Variants in CELSR1 observed in about 807,000 individuals in gnomAD.
CELSR1 encodes adhesion G protein-coupled receptor C1.
Under a neutral mutation model 249.1 loss-of-function variants are expected in CELSR1, and 110 were observed. The ratio of observed to expected loss-of-function variants is 0.44; its 90% CI spans 0.38 to 0.52. CELSR1 has a LOEUF of 0.52. Ranked by LOEUF, CELSR1 falls within the 20% of genes least tolerant of loss-of-function variation. The pLI, the probability that CELSR1 is intolerant of heterozygous loss-of-function variation, is 0.00. For synonymous variants in CELSR1, 2,113 were observed against 1,900.0 expected (o/e 1.11, Z -2.92); for missense variants, 4,109 against 4,296.4 (o/e 0.96, Z 1.22).
chr22:46,534,064 T>C lies in CELSR1; in HGVS notation c.3107A>G (p.Tyr1036Cys). The C allele has an allele frequency of 6.2e-7, 1 of 1,613,744 alleles. No individual in the cohort carries two copies. The highest frequency in any genetic ancestry group is 8.5e-7 in the Non-Finnish European group (1 of 1,180,018). Reference sequence around the variant, plus strand: ...CCGCATGTCCCCTTCCACAATCTGATACATGATCTGGGCATTAGGGCCTTC... The same window carrying C: ...CCGCATGTCCCCTTCCACAATCTGACACATGATCTGGGCATTAGGGCCTTC... ...PDEGPNAQIM[Y>C]QIVEGDMRHF... is the part of the protein sequence containing the mutation. Residue 1036 changes from tyrosine (Y) to cysteine (C), a missense_variant, in exon 1 of 35, where the codon TAT becomes TGT. Tyr to Cys is a radical substitution (Grantham distance 194). This residue lies in a region of CELSR1 where 886 missense variants were observed against 896.5 expected (regional missense o/e 0.99). Transcript: ENST00000674500. The surrounding 1 kb of genome is among the most constrained non-coding windows in gnomAD (Gnocchi z 9.7).
At chr22:46,370,080 A>G in intron 25 of CELSR1, 1 of 541,164 alleles carries the variant, frequency 1.8e-6, no homozygotes, top group Non-Finnish European at 3.5e-6. Flanking sequence ...GGAAGACCAG[A>G]GACCCTGGAG....
intron 1 of CELSR1, among the ~76,000 whole-genome samples, chr22:46,485,482 T>A (rs921056812): frequency 2.0e-5 from 3 of 152,232 alleles, no homozygotes; most frequent in Non-Finnish European, 2.9e-5. Context: ...GAGGCCCATG[T>A]GCCTGGGAGG....
chr22:46,384,259 T>A (rs2079008926), intron 20 of CELSR1, among the ~76,000 whole-genome samples: 1 of 152,332 alleles, frequency 6.6e-6, no homozygotes, highest in African/African-American at 2.4e-5. Context: ...TTTTATTGTT[T>A]CATGCTTACG....
rs747620295 is a variant in CELSR1 at position 46,534,117 on chromosome 22, C to G, written c.3054G>C (p.Val1018=). 2 of 1,613,738 alleles carry G rather than the reference C, an allele frequency of 1.2e-6. No homozygotes were observed. Among genetic ancestry groups the G allele is most frequent in the South Asian group, 2.2e-5 (2 of 91,084 alleles). Reference sequence around the variant, plus strand: ...CAGGGTCGTTAGCACGAATCTTTGCCACCACCGACCCCACTGGGTTGTTCT... The same window carrying G: ...CAGGGTCGTTAGCACGAATCTTTGCGACCACCGACCCCACTGGGTTGTTCT... The part of the protein sequence containing the change: ...VEENNPVGSV[V]AKIRANDPDE... The change falls in exon 1 of 35, where the codon GTG becomes GTC. Residue 1018 remains valine (V), a synonymous_variant. Coordinates refer to ENST00000674500, the MANE Select transcript of CELSR1 (RefSeq NM_001378328.1). The surrounding 1 kb of genome is among the most constrained non-coding windows in gnomAD (Gnocchi z 9.7).
chr22:46,495,108 C>T (rs1429311773), intron 1 of CELSR1, among the ~76,000 whole-genome samples: 2 of 151,998 alleles, frequency 1.3e-5, no homozygotes, highest in East Asian at 1.9e-4. Flanking sequence ...ATGGTAAAAC[C>T]GACTGCTCCT....
chr22:46,399,962 T>C lies in CELSR1; in HGVS notation c.5227-60A>G, dbSNP rs1308087436. On this transcript the variant is annotated intron_variant, in intron 9 of 34. Transcript: ENST00000674500. This position sits in a 1 kb window ranked among gnomAD's most constrained non-coding sequence, Gnocchi z 5.0. ...CAATGACAATGAAAGAGAAAACATT[T>C]TGCAGTCACTTAAACAAGGAAGCTG... is the stretch of plus-strand genomic sequence containing the variant. The C allele has an allele frequency of 2.6e-6, 4 of 1,528,128 alleles. No homozygotes were observed. The highest frequency in any genetic ancestry group is 2.4e-5 in the South Asian group (2 of 84,124). 94.7% of individuals were successfully genotyped at this position (1,528,128 alleles called of 1,614,324 possible).
intron 2 of CELSR1, among the ~76,000 whole-genome samples, chr22:46,443,702 C>A (rs986408350): frequency 1.3e-5 from 2 of 152,242 alleles, no homozygotes; most frequent in African/African-American, 4.8e-5. Context: ...CACACCCTCA[C>A]AGACACCTCA....
intron 5 of CELSR1, among the ~76,000 whole-genome samples, chr22:46,422,759 T>A (rs1249593293): frequency 9.1e-6 from 1 of 110,208 alleles, no homozygotes; most frequent in Non-Finnish European, 1.8e-5. Flanking sequence ...AGAGCGAGAC[T>A]CCATCTCAAA....
intron 1 of CELSR1, among the ~76,000 whole-genome samples, chr22:46,532,133 C>A (rs2080798157): frequency 6.6e-6 from 1 of 152,356 alleles, no homozygotes; most frequent in East Asian, 1.9e-4. Flanking sequence ...CACAAAACAT[C>A]CCTGCCCCCA....
At position 46,489,681 on chromosome 22, in the gene CELSR1, G is replaced by C. The variant is rs186446680; in HGVS notation, c.3545-25336C>G. Among the ~76,000 whole-genome samples the C allele has an allele frequency of 4.5e-3, 681 of 152,238 alleles. 4 individuals are homozygous for C. The highest frequency in any genetic ancestry group is 0.016 in the African/African-American group (650 of 41,542). ...TAATCCCAGCACTTTGGGAGGCCGA[G>C]ACAGGTGGATCACCTGAGGTCAGGA... On this transcript the variant is annotated intron_variant, in intron 1 of 34. Transcript: ENST00000674500.
chr22:46,452,602 G>A (rs2079899161), intron 2 of CELSR1, among the ~76,000 whole-genome samples: 1 of 152,240 alleles, frequency 6.6e-6, no homozygotes, highest in African/African-American at 2.4e-5. Flanking sequence ...TCCCCCTGCA[G>A]GGCGTTTCCA....
rs922463068 is a variant in CELSR1 at position 46,468,374 on chromosome 22, A to G, written c.3545-4029T>C. 2.3e-5 allele frequency among the ~76,000 whole-genome samples: 3 copies of G among 128,168 alleles called. No homozygotes were observed. Among genetic ancestry groups the G allele is most frequent in the African/African-American group, 9.0e-5 (3 of 33,158 alleles). The allele number at this position is 128,168 out of a possible 152,430, so 84.1% of individuals were successfully genotyped here. On this transcript the variant is annotated intron_variant, in intron 1 of 34. Transcript: ENST00000674500. This position sits in a 1 kb window ranked among gnomAD's most constrained non-coding sequence, Gnocchi z 4.5. The stretch of plus-strand genomic sequence containing the variant: ...GCACTCCAGCCTGGGCAACAAAGCA[A>G]GACTCTGTCTCAAAAAAAAAAAAAA...
rs535646508 is a variant in CELSR1, at chr22:46,458,133, A to C, written c.4183+5574T>G. Among the ~76,000 whole-genome samples, 10 of 152,238 alleles carry C rather than the reference A, an allele frequency of 6.6e-5. No homozygotes were observed. In the South Asian group the frequency reaches 1.9e-3, roughly 28 times the overall value. On this transcript the variant is annotated intron_variant, in intron 2 of 34. Coordinates refer to ENST00000674500, the MANE Select transcript of CELSR1 (RefSeq NM_001378328.1). ...ACAGAGGAGTGGGGACAGGGAGGGA[A>C]CATTCAGGGAAGACCTGGGGGAAGG...
At position 46,490,828 on chromosome 22, in the gene CELSR1, G is replaced by C. The variant is rs2074638959; in HGVS notation, c.3545-26483C>G. Among the ~76,000 whole-genome samples the C allele has an allele frequency of 6.6e-6, 1 of 152,164 alleles. No individual in the cohort carries two copies. On this transcript the variant is annotated intron_variant, in intron 1 of 34. Transcript: ENST00000674500. The surrounding 1 kb of genome is among the most constrained non-coding windows in gnomAD (Gnocchi z 5.2). ...AGCACCCAGCTGGCCTGGGGCTGCT[G>C]CACGTGCCGCACCCTGATCCTCCAG...
intron 27 of CELSR1, among the ~76,000 whole-genome samples, chr22:46,368,539 G>A (rs1178499659): frequency 1.3e-5 from 2 of 151,922 alleles, no homozygotes; most frequent in African/African-American, 2.4e-5. Flanking sequence ...CCCTGCGCAA[G>A]CATTATCCCT....
chr22:46,389,877 G>A (rs752061685), intron 17 of CELSR1, among the ~76,000 whole-genome samples: 43 of 152,060 alleles, frequency 2.8e-4, no homozygotes, highest in Admixed American at 4.6e-4. Context: ...GCTTGAATCC[G>A]GGAAGCAGAG....
intron 2 of CELSR1, among the ~76,000 whole-genome samples, chr22:46,450,947 C>A (rs1602153654): frequency 6.6e-6 from 1 of 152,210 alleles, no homozygotes; most frequent in South Asian, 2.1e-4. Flanking sequence ...GAGCTACGCA[C>A]CTGCGCAAGG....
intron 14 of CELSR1, among the ~76,000 whole-genome samples, chr22:46,392,768 G>A (rs2079107405): frequency 6.6e-6 from 1 of 152,060 alleles, no homozygotes; most frequent in South Asian, 2.1e-4. Context: ...ATGTTGCCCA[G>A]GCTGGTCTTG....
chr22:46,508,670 G>C (rs756841731), intron 1 of CELSR1, among the ~76,000 whole-genome samples: 1 of 152,134 alleles, frequency 6.6e-6, no homozygotes, highest in Admixed American at 6.5e-5. Context: ...CCCATGGCGC[G>C]TCGCCTTCCA....
Sources: gnomAD v4.1 joint callset for allele counts (sites outside exome capture counted in the v4.1 genomes callset) on GRCh38, gnomAD v4.1.1 for gene constraint, gnomAD v4.1.1 regional missense constraint, Gnocchi (gnomAD v3.1) non-coding constraint, MANE v1.5 for transcripts, NCBI Gene and HGNC (gene_info 2026-07-23, HGNC 2026-07-21) for gene names.